ITGB5: variants seen among roughly 807,000 people sequenced by gnomAD.
The protein encoded by ITGB5 is integrin subunit beta 5.
A neutral mutation model predicts 84.8 loss-of-function variants in ITGB5; 38 were observed. The ratio of observed to expected loss-of-function variants is 0.45; its 90% confidence interval spans 0.35 to 0.59. The LOEUF is 0.59. Among genes scored for constraint, ITGB5 ranks in the 20% least tolerant of loss-of-function variants. ITGB5 has a pLI of 0.01. For synonymous variants in ITGB5, 393 were observed against 414.4 expected (o/e 0.95, Z 0.63); for missense variants, 905 against 1,034.5 (o/e 0.87, Z 1.72).
At chr3:124,784,959 T>A (rs2064059260) in intron 10 of ITGB5, among the ~76,000 whole-genome samples, 1 of 152,252 alleles carries the variant, frequency 6.6e-6, no homozygotes, top group South Asian at 2.1e-4. Flanking sequence ...ACTAGCTGCC[T>A]TCTCAAAGGA....
intron 10 of ITGB5, among the ~76,000 whole-genome samples, chr3:124,777,894 A>G (rs947696190): frequency 2.6e-5 from 4 of 152,118 alleles, no homozygotes; most frequent in African/African-American, 9.7e-5. Context: ...GTGCTCAGAG[A>G]TTGCCTGCAT....
At chr3:124,834,633 G>A (rs1233865957) in intron 5 of ITGB5, among the ~76,000 whole-genome samples, 1 of 114,588 alleles carries the variant, frequency 8.7e-6, no homozygotes, top group Non-Finnish European at 1.8e-5. Context: ...GAGGGAGGGA[G>A]GGAGGGAAGG....
At chr3:124,894,485 A>G (rs1439961113) in intron 1 of ITGB5, 1 of 151,894 alleles carries the variant, frequency 6.6e-6, no homozygotes, top group Non-Finnish European at 1.5e-5. Context: ...TTTTTTTCAC[A>G]TCGGATATTG....
intron 1 of ITGB5, among the ~76,000 whole-genome samples, chr3:124,884,304 C>T (rs1308083888): frequency 1.3e-5 from 2 of 152,122 alleles, no homozygotes; most frequent in African/African-American, 2.4e-5. Flanking sequence ...TCAACCTCTG[C>T]TAATCCTGAG....
chr3:124,769,339 T>G (rs2063809852), intron 11 of ITGB5: 6 of 505,150 alleles, frequency 1.2e-5, no homozygotes, highest in Non-Finnish European at 2.1e-5. Context: ...CTTGTCTACA[T>G]GTCAGGTTGC....
chr3:124,880,619 A>C (rs1274459664), intron 1 of ITGB5, among the ~76,000 whole-genome samples: 1 of 152,082 alleles, frequency 6.6e-6, no homozygotes, highest in Admixed American at 6.6e-5. Context: ...GTCTTTTTTT[A>C]AAAAATAAAT....
intron 9 of ITGB5, among the ~76,000 whole-genome samples, chr3:124,802,158 A>G (rs1477466820): frequency 6.6e-6 from 1 of 152,182 alleles, no homozygotes; most frequent in African/African-American, 2.4e-5. Context: ...TTCCTCCACC[A>G]GACTCTGAGC....
At position 124,834,248 on chromosome 3, in the gene ITGB5, G is replaced by T. The variant is rs1250593345; in HGVS notation, c.780+7135C>A. ...TGGTTGATAATGATGTGTCAACACT[G>T]ACTGGGTCACTGATTGTAACAAATA... On this transcript the variant is annotated intron_variant, in intron 5 of 14. Coordinates refer to ENST00000296181, the MANE Select transcript of ITGB5 (RefSeq NM_002213.5). Among the ~76,000 whole-genome samples the T allele has an allele frequency of 2.6e-5, 4 of 151,994 alleles. 1 individual carries two copies. The highest frequency in any genetic ancestry group is 5.9e-5 in the Non-Finnish European group (4 of 68,000).
intron 2 of ITGB5, among the ~76,000 whole-genome samples, chr3:124,863,489 C>T (rs1177445291): frequency 6.6e-6 from 1 of 152,116 alleles, no homozygotes; most frequent in Non-Finnish European, 1.5e-5. Context: ...CCAAGAGCTT[C>T]GCCTCTATTC....
intron 12 of ITGB5, among the ~76,000 whole-genome samples, chr3:124,768,596 T>C (rs10049380): frequency 0.28 from 42,986 of 152,146 alleles, 6,959 homozygotes; most frequent in African/African-American, 0.41. Context: ...GGCTCAATAG[T>C]GTCCACTGTA....
At chr3:124,848,668 G>T in intron 3 of ITGB5, 110 bp from the exon 4 acceptor site, 2 of 1,203,996 alleles carry the variant, frequency 1.7e-6, no homozygotes, top group Non-Finnish European at 2.3e-6. Flanking sequence ...TTTAGTGATT[G>T]TGTGCCTCAC....
chr3:124,795,035 C>T (rs1392915242), intron 10 of ITGB5, among the ~76,000 whole-genome samples: 5 of 152,082 alleles, frequency 3.3e-5, no homozygotes, highest in Non-Finnish European at 7.4e-5. Context: ...ATAGCACCCT[C>T]GGACAAGGAA....
intron 5 of ITGB5, among the ~76,000 whole-genome samples, chr3:124,821,933 C>CA (rs2064711376): frequency 6.6e-6 from 1 of 152,276 alleles, no homozygotes. Context: ...TAAGTCCCCC[C>CA]ATTAGACCTG....
In ITGB5 at chr3:124,853,038, C is replaced by T. The variant is rs114614885; in HGVS notation, c.362-4480G>A. Among the ~76,000 whole-genome samples the T allele has an allele frequency of 9.4e-3, 1,435 of 152,162 alleles. 31 individuals are homozygous for T. Among genetic ancestry groups the T allele is most frequent in the African/African-American group, 0.032 (1,337 of 41,516 alleles). ...TTTTTTCTTCTTTCTTCTTTTCCCTCAGGTTTCCTGCCTTTGAGTCAAAAA... is the reference window on the plus strand; with the variant it reads ...TTTTTTCTTCTTTCTTCTTTTCCCTTAGGTTTCCTGCCTTTGAGTCAAAAA... On this transcript the variant is annotated intron_variant, in intron 3 of 14. Transcript: ENST00000296181.
chr3:124,891,769 C>T (rs2107659668), upstream of ITGB5, among the ~76,000 whole-genome samples: 1 of 151,476 alleles, frequency 6.6e-6, no homozygotes, highest in Middle Eastern at 3.4e-3. Context: ...CAAAAAAATA[C>T]AAAAATTAGC....
At chr3:124,785,600 A>AC (rs1224941847) in intron 10 of ITGB5, among the ~76,000 whole-genome samples, 3 of 147,630 alleles carry the variant, frequency 2.0e-5, no homozygotes, top group African/African-American at 7.5e-5. Flanking sequence ...AAAAAAAAAA[A>AC]CCCCAAAAAA....
At chr3:124,876,745 A>C (rs1934336709) in intron 1 of ITGB5, among the ~76,000 whole-genome samples, 1 of 152,120 alleles carries the variant, frequency 6.6e-6, no homozygotes, top group Non-Finnish European at 1.5e-5. Context: ...TCACCCAGGG[A>C]GGCCTACAGC....
chr3:124,824,321 T>G (rs1293844110), intron 5 of ITGB5, among the ~76,000 whole-genome samples: 2 of 152,194 alleles, frequency 1.3e-5, no homozygotes, highest in African/African-American at 4.8e-5. Flanking sequence ...ATACTGGAAC[T>G]GGATATTCAT....
At chr3:124,851,639 A>ACACACG (rs2065157486) in intron 3 of ITGB5, among the ~76,000 whole-genome samples, 2 of 150,910 alleles carry the variant, frequency 1.3e-5, no homozygotes, top group East Asian at 1.9e-4. Flanking sequence ...ACACACACAC[A>ACACACG]CACGCACACA....
Sources: allele counts gnomAD v4.1 joint callset (sites outside exome capture counted in the v4.1 genomes callset), GRCh38; gene constraint gnomAD v4.1.1; transcripts MANE v1.5; gene names NCBI Gene and HGNC (gene_info 2026-07-23, HGNC 2026-07-21).